The following MAF variants were observed in gnomAD, a reference collection of about 807,000 sequenced individuals.
The protein encoded by MAF is MAF bZIP transcription factor.
In MAF, 10 loss-of-function variants were observed where a neutral mutation model predicts 22.0. That is an observed-to-expected ratio of 0.45 (90% CI 0.28 to 0.77). The LOEUF (loss-of-function observed/expected upper bound fraction) is 0.77. MAF is among the 30% of genes least tolerant of loss of function. The pLI is 0.12. For synonymous variants in MAF, 337 were observed against 255.8 expected (o/e 1.32, Z -3.03); for missense variants, 544 against 548.4 (o/e 0.99, Z 0.08).
the MAF span, among the ~76,000 whole-genome samples, chr16:79,486,909 C>A: frequency 6.6e-6 from 1 of 152,118 alleles, no homozygotes; most frequent in Non-Finnish European, 1.5e-5. Context: ...CCCTCCACCT[C>A]CTACAAGGTG....
At chr16:79,559,972 C>T in the MAF span, among the ~76,000 whole-genome samples, 1 of 152,300 alleles carries the variant, frequency 6.6e-6, no homozygotes, top group South Asian at 2.1e-4. Flanking sequence ...GACACAATCA[C>T]AGTTCGCTGC....
the MAF span, among the ~76,000 whole-genome samples, chr16:79,270,017 C>T: frequency 6.6e-6 from 1 of 151,986 alleles, no homozygotes; most frequent in Non-Finnish European, 1.5e-5. Flanking sequence ...CTCTGAAGGG[C>T]TTATGGGTTT....
At chr16:79,529,771 GC>G in the MAF span, among the ~76,000 whole-genome samples, 5 of 152,116 alleles carry the variant, frequency 3.3e-5, no homozygotes, top group Non-Finnish European at 7.3e-5. Flanking sequence ...AACCAGCCTG[GC>G]CAATGTGGTG....
At chr16:79,233,890 G>A in the MAF span, among the ~76,000 whole-genome samples, 1 of 151,580 alleles carries the variant, frequency 6.6e-6, no homozygotes, top group Non-Finnish European at 1.5e-5. Flanking sequence ...TACTCAGGAG[G>A]CTGAGGCAGA....
chr16:79,559,714 C>G, the MAF span, among the ~76,000 whole-genome samples: 50 of 152,162 alleles, frequency 3.3e-4, no homozygotes, highest in African/African-American at 9.9e-4. Context: ...GAGAAGCCAA[C>G]GGAAATGAAA....
chr16:79,562,829 G>A, the MAF span, among the ~76,000 whole-genome samples: 1 of 152,196 alleles, frequency 6.6e-6, no homozygotes, highest in African/African-American at 2.4e-5. Context: ...GTCTGGTTAT[G>A]AGACCGTCAT....
At chr16:79,256,511 G>C in the MAF span, among the ~76,000 whole-genome samples, 1 of 152,078 alleles carries the variant, frequency 6.6e-6, no homozygotes, top group East Asian at 1.9e-4. Context: ...ATCTTGCACT[G>C]CCTGCCAAAA....
the MAF span, among the ~76,000 whole-genome samples, chr16:79,385,774 G>A: frequency 7.9e-5 from 12 of 152,242 alleles, no homozygotes; most frequent in Middle Eastern, 3.4e-3. Context: ...GGTAGTACAC[G>A]CCTGTAATCC....
the MAF span, among the ~76,000 whole-genome samples, chr16:79,226,145 A>G: frequency 2.0e-5 from 3 of 152,228 alleles, no homozygotes; most frequent in Non-Finnish European, 4.4e-5. Flanking sequence ...CCCATCAATG[A>G]TAGACTGGAT....
chr16:79,306,233 T>C, the MAF span, among the ~76,000 whole-genome samples: 1 of 152,196 alleles, frequency 6.6e-6, no homozygotes, highest in Non-Finnish European at 1.5e-5. Context: ...TCTGCTTGAC[T>C]TGTCCTGTCT....
chr16:79,415,161 A>G, the MAF span, among the ~76,000 whole-genome samples: 1 of 152,298 alleles, frequency 6.6e-6, no homozygotes, highest in South Asian at 2.1e-4. Flanking sequence ...AGCTCACCCA[A>G]ACATGGAGAG....
chr16:79,218,610 A>C, the MAF span, among the ~76,000 whole-genome samples: 8,252 of 152,244 alleles, frequency 0.054, 775 homozygotes, highest in African/African-American at 0.19. Context: ...ATAACATTTT[A>C]AACTGATTTT....
the MAF span, among the ~76,000 whole-genome samples, chr16:79,263,626 T>C: frequency 6.6e-6 from 1 of 152,236 alleles, no homozygotes; most frequent in Admixed American, 6.5e-5. Flanking sequence ...TCAAAGTGTC[T>C]TTGCTAATTT....
At chr16:79,389,886 G>T in the MAF span, among the ~76,000 whole-genome samples, 1 of 140,932 alleles carries the variant, frequency 7.1e-6, no homozygotes, top group Non-Finnish European at 1.5e-5. Flanking sequence ...TGAGGCAGGA[G>T]AATGGCGTGA....
chr16:79,210,883 C>A, the MAF span, among the ~76,000 whole-genome samples: 2,874 of 152,270 alleles, frequency 0.019, 97 homozygotes, highest in African/African-American at 0.066. Flanking sequence ...TTGCAACTTA[C>A]ATTTTGAAGT....
At chr16:79,361,848 T>A in the MAF span, among the ~76,000 whole-genome samples, 1 of 152,226 alleles carries the variant, frequency 6.6e-6, no homozygotes, top group Admixed American at 6.5e-5. Context: ...TCCAGGCTGT[T>A]ACAGAGAGGC....
the MAF span, among the ~76,000 whole-genome samples, chr16:79,323,744 C>G: frequency 1.3e-5 from 2 of 152,150 alleles, no homozygotes; most frequent in Non-Finnish European, 2.9e-5. Flanking sequence ...CTGAGAGCAA[C>G]ATCTTTGCTG....
At chr16:79,432,149 T>G in the MAF span, among the ~76,000 whole-genome samples, 5 of 152,150 alleles carry the variant, frequency 3.3e-5, no homozygotes, top group Admixed American at 6.5e-5. Context: ...GTTCCACTGA[T>G]AGTGAGTGAG....
chr16:79,220,520 T>G, the MAF span, among the ~76,000 whole-genome samples: 2 of 152,190 alleles, frequency 1.3e-5, no homozygotes, highest in African/African-American at 4.8e-5. Flanking sequence ...GCCTTTATGA[T>G]CCTGTATCTA....
Sources: allele counts gnomAD v4.1 joint callset (sites outside exome capture counted in the v4.1 genomes callset), GRCh38; gene constraint gnomAD v4.1.1; transcripts MANE v1.5; gene names NCBI Gene and HGNC (gene_info 2026-07-23, HGNC 2026-07-21).